USO1: variants seen among roughly 807,000 people sequenced by gnomAD.
The protein encoded by USO1 is general vesicular transport factor p115.
Under a neutral mutation model 124.5 loss-of-function variants are expected in USO1, and 57 were observed. The ratio of observed to expected loss-of-function variants is 0.46; its 90% CI spans 0.37 to 0.57. The LOEUF is 0.57. USO1 is among the 20% of genes least tolerant of loss of function. The pLI is 0.00. For missense variants in USO1, 900 were observed against 1,040.6 expected, an observed-to-expected ratio of 0.86 and a Z score of 1.86; for synonymous variants, 369 against 362.8, an observed-to-expected ratio of 1.02 and a Z score of -0.19.
rs1722783848 is a variant in USO1 at position 75,799,603 on chromosome 4, A to G, written c.1453-19A>G. The G allele has an allele frequency of 6.2e-7, 1 of 1,610,220 alleles. No individual in the cohort carries two copies. The highest frequency in any genetic ancestry group is 1.7e-4 in the Middle Eastern group (1 of 6,000). ...ATATAAAATGAATGGAAAGATTTCT[A>G]CCAATTTATCTGTTGCAGGGAAGCA... On this transcript the variant is annotated intron_variant, in intron 13 of 23. Transcript: ENST00000514213.
chr4:75,800,042 C>A (rs1320265268), intron 14 of USO1, among the ~76,000 whole-genome samples: 1 of 151,592 alleles, frequency 6.6e-6, no homozygotes, highest in Admixed American at 6.6e-5. Context: ...CTCCCAGGTT[C>A]AAGCAATTCT....
intron 1 of USO1, among the ~76,000 whole-genome samples, chr4:75,739,099 G>A (rs186924838): frequency 1.0e-3 from 159 of 152,140 alleles, no homozygotes; most frequent in African/African-American, 3.7e-3. Context: ...TGATCCGCCC[G>A]CCTCGTCCTC....
chr4:75,759,246 C>CTGTTTTTTTTTTTTTTTTTTTT (rs1721527113), intron 4 of USO1, among the ~76,000 whole-genome samples: 2 of 69,126 alleles, frequency 2.9e-5, no homozygotes, highest in Non-Finnish European at 4.9e-5. Flanking sequence ...TATTAAGGAC[C>CTGTTTTTTTTTTTTTTTTTTTT]TTTTTTTTTT....
intron 9 of USO1, among the ~76,000 whole-genome samples, chr4:75,785,028 C>A (rs1247673948): frequency 6.6e-6 from 1 of 152,182 alleles, no homozygotes; most frequent in African/African-American, 2.4e-5. Flanking sequence ...ACCTGCAATA[C>A]TGAATAGTAG....
chr4:75,751,828 G>C (rs932131253), intron 1 of USO1, among the ~76,000 whole-genome samples: 1 of 151,038 alleles, frequency 6.6e-6, no homozygotes, highest in East Asian at 2.0e-4. Context: ...GCGAGACTTC[G>C]TCTCAAAAAA....
chr4:75,794,512 T>C (rs942129968), intron 13 of USO1, among the ~76,000 whole-genome samples: 1 of 152,244 alleles, frequency 6.6e-6, no homozygotes, highest in Non-Finnish European at 1.5e-5. Flanking sequence ...TTTAGGAATG[T>C]CACTTTTTGT....
intron 18 of USO1, among the ~76,000 whole-genome samples, chr4:75,804,507 T>C (rs1314750601): frequency 6.6e-6 from 1 of 152,170 alleles, no homozygotes; most frequent in African/African-American, 2.4e-5. Context: ...CCATTGATTC[T>C]CAACCCTGGC....
At chr4:75,807,370 C>CTTT (rs879512005) in intron 20 of USO1, among the ~76,000 whole-genome samples, 1 of 144,574 alleles carries the variant, frequency 6.9e-6, no homozygotes, top group South Asian at 2.2e-4. Context: ...GAAATGCATA[C>CTTT]TTTTTTTTTT....
intron 1 of USO1, among the ~76,000 whole-genome samples, chr4:75,738,932 A>C (rs763836014): frequency 6.6e-6 from 1 of 151,928 alleles, no homozygotes; most frequent in Non-Finnish European, 1.5e-5. Flanking sequence ...GGCTCACTGC[A>C]ACCTCCACTT....
intron 11 of USO1, 134 bp from the exon 12 acceptor site, chr4:75,790,509 T>C: frequency 1.5e-6 from 2 of 1,366,796 alleles, no homozygotes; most frequent in Non-Finnish European, 1.9e-6. Context: ...CAGTTTTCTG[T>C]GAAATAGAGA....
chr4:75,797,085 C>G (rs1417467689), intron 13 of USO1, among the ~76,000 whole-genome samples: 2 of 151,958 alleles, frequency 1.3e-5, no homozygotes, highest in South Asian at 2.1e-4. Flanking sequence ...GAGGTGGGGG[C>G]ATCGCTTGAG....
chr4:75,724,816 C>A lies in USO1; in HGVS notation c.-4C>A. On this transcript the variant is annotated 5_prime_UTR_variant, in exon 1 of 24. Coordinates refer to ENST00000514213, the MANE Select transcript of USO1 (RefSeq NM_003715.4). Reference sequence around the variant, plus strand: ...GCCGGTAAACCTGGTGGCTGAACGGCAAGATGAATTTCCTCCGCGGGGTAA... The same window carrying A: ...GCCGGTAAACCTGGTGGCTGAACGGAAAGATGAATTTCCTCCGCGGGGTAA... 6.2e-7 allele frequency: 1 copy of A among 1,613,796 alleles called. No individual in the cohort carries two copies. The highest frequency in any genetic ancestry group is 1.1e-5 in the South Asian group (1 of 91,074).
intron 1 of USO1, among the ~76,000 whole-genome samples, chr4:75,734,510 T>C (rs1044122436): frequency 6.6e-6 from 1 of 152,006 alleles, no homozygotes; most frequent in Admixed American, 6.6e-5. Flanking sequence ...TAATAGGCTG[T>C]TTTGGTTAGT....
At chr4:75,802,111 C>T (rs554814772) in intron 17 of USO1, among the ~76,000 whole-genome samples, 61 of 152,248 alleles carry the variant, frequency 4.0e-4, no homozygotes, top group African/African-American at 9.9e-4. Context: ...CATAAGCCAG[C>T]GCGCCCAGCC....
At chr4:75,765,473 G>A (rs1486092060) in intron 4 of USO1, among the ~76,000 whole-genome samples, 4 of 152,080 alleles carry the variant, frequency 2.6e-5, no homozygotes, top group Non-Finnish European at 5.9e-5. Flanking sequence ...CAGGACTTCT[G>A]TTCATAGCTG....
At chr4:75,800,918 T>A (rs1722831140) in intron 16 of USO1, 119 bp downstream of exon 16, 2 of 1,441,508 alleles carry the variant, frequency 1.4e-6, no homozygotes, top group Non-Finnish European at 1.8e-6. Flanking sequence ...TCTTCCTAGC[T>A]CTTGATCTGT....
At chr4:75,753,953 A>G (rs1721360837) in intron 3 of USO1, among the ~76,000 whole-genome samples, 1 of 149,124 alleles carries the variant, frequency 6.7e-6, no homozygotes, top group South Asian at 2.1e-4. Flanking sequence ...ACACCTGGCT[A>G]ATTTTTTGTA....
chr4:75,729,346 G>A (rs746128149), intron 1 of USO1, among the ~76,000 whole-genome samples: 1 of 150,480 alleles, frequency 6.6e-6, no homozygotes, highest in African/African-American at 2.4e-5. Context: ...TTTTTTTTGG[G>A]TAGGGGGGTG....
rs1483668151 is a variant in USO1, at chr4:75,813,812, T to G, written c.*517T>G. 6.6e-6 allele frequency: 1 copy of G among 152,550 alleles called. No individual in the cohort carries two copies. The highest frequency in any genetic ancestry group is 1.5e-5 in the Non-Finnish European group (1 of 68,286). 9.4% of individuals were successfully genotyped at this position (152,550 alleles called of 1,614,324 possible). A position where few individuals can be genotyped will look rare whatever the true frequency, so the allele number is the denominator to read the frequency against. ...CCTCCATCTAATGTGATTGCTAAGA[T>G]GTGCAGGATAGGACAGCTTAGAATG... is the stretch of plus-strand genomic sequence containing the variant. On this transcript the variant is annotated 3_prime_UTR_variant, in exon 24 of 24. Coordinates refer to ENST00000514213, the MANE Select transcript of USO1 (RefSeq NM_003715.4).
Sources: allele counts gnomAD v4.1 joint callset (sites outside exome capture counted in the v4.1 genomes callset), GRCh38; gene constraint gnomAD v4.1.1; transcripts MANE v1.5; gene names NCBI Gene and HGNC (gene_info 2026-07-23, HGNC 2026-07-21).